The following ZNF362 variants were observed in gnomAD, a reference collection of about 807,000 sequenced individuals.
The protein encoded by ZNF362 is zinc finger protein 362.
Under a neutral mutation model 42.9 loss-of-function variants are expected in ZNF362, and 11 were observed. The ratio of observed to expected loss-of-function variants is 0.26; its 90% CI spans 0.16 to 0.42. The LOEUF (loss-of-function observed/expected upper bound fraction) is 0.42, where lower values mean the gene tolerates loss of function less well. Among genes scored for constraint, ZNF362 ranks in the 20% least tolerant of loss-of-function variants. ZNF362 has a pLI of 1.00. For missense variants in ZNF362, 362 were observed against 576.2 expected (o/e 0.63, Z 3.81); for synonymous variants, 255 against 257.3 (o/e 0.99, Z 0.09).
the ZNF362 span, among the ~76,000 whole-genome samples, chr1:33,183,584 G>T: frequency 6.6e-6 from 1 of 152,162 alleles, no homozygotes; most frequent in African/African-American, 2.4e-5. Context: ...GTCTTGTTTG[G>T]TCCAAGTCCA....
intron 1 of ZNF362, among the ~76,000 whole-genome samples, chr1:33,267,263 A>C (rs1486620291): frequency 6.6e-6 from 1 of 152,206 alleles, no homozygotes; most frequent in Non-Finnish European, 1.5e-5. Flanking sequence ...TCGCCCCATC[A>C]GCTGTGACAT....
At chr1:33,206,215 A>G in the ZNF362 span, among the ~76,000 whole-genome samples, 2 of 152,162 alleles carry the variant, frequency 1.3e-5, no homozygotes, top group African/African-American at 2.4e-5. Flanking sequence ...GAAAACTACA[A>G]TAAGATACTA....
At position 33,280,354 on chromosome 1, in the gene ZNF362, C is replaced by T. The variant is rs1302204449; in HGVS notation, c.580C>T (p.Arg194Cys). Residue 194 changes from arginine (R) to cysteine (C), a missense_variant, in exon 5 of 9, where the codon CGC (arginine) becomes TGC (cysteine). By Grantham distance (180) the Arg-to-Cys change is radical. This residue lies in a region of ZNF362 where 266 missense variants were observed against 365.4 expected (regional missense o/e 0.73). Coordinates refer to ENST00000539719, the MANE Select transcript of ZNF362 (RefSeq NM_152493.3). The surrounding 1 kb of genome is among the most constrained non-coding windows in gnomAD (Gnocchi z 5.6). ...TGGCCCCCCCAAGTCCGAACGCGGC[C>T]GCAAAAAGATCAAGGCGGAGAACCC... is the stretch of plus-strand genomic sequence containing the variant. ...LLGPPKSERG[R>C]KKIKAENPGG... is the part of the protein sequence containing the mutation. 5.6e-6 allele frequency: 9 copies of T among 1,613,882 alleles called. No homozygotes were observed. The highest frequency in any genetic ancestry group is 1.3e-5 in the African/African-American group (1 of 74,934).
chr1:33,261,991 C>T (rs1163193693), intron 1 of ZNF362, among the ~76,000 whole-genome samples: 1 of 152,172 alleles, frequency 6.6e-6, no homozygotes, highest in Non-Finnish European at 1.5e-5. Context: ...CAGGGTGTGC[C>T]TGGCACTTGG....
chr1:33,209,904 G>T, the ZNF362 span, among the ~76,000 whole-genome samples: 140 of 151,856 alleles, frequency 9.2e-4, no homozygotes, highest in Non-Finnish European at 1.8e-3. Flanking sequence ...TTTTTTGAAG[G>T]GTTTGTTTTG....
At chr1:33,220,233 C>T in the ZNF362 span, among the ~76,000 whole-genome samples, 2 of 152,168 alleles carry the variant, frequency 1.3e-5, no homozygotes, top group African/African-American at 4.8e-5. Context: ...CCTCAATCTC[C>T]AATCTGGTGC....
the ZNF362 span, among the ~76,000 whole-genome samples, chr1:33,229,851 A>C: frequency 1.3e-5 from 2 of 152,120 alleles, no homozygotes; most frequent in Non-Finnish European, 2.9e-5. Flanking sequence ...CTGTCCATCT[A>C]GGCTTTTGCC....
intron 2 of ZNF362, among the ~76,000 whole-genome samples, chr1:33,272,510 A>G (rs565281723): frequency 1.3e-5 from 2 of 152,294 alleles, no homozygotes; most frequent in African/African-American, 4.8e-5. Context: ...TTAGAATAAG[A>G]GAAACAAAAT....
chr1:33,289,441 C>T (rs535857017), intron 6 of ZNF362, among the ~76,000 whole-genome samples: 50 of 152,032 alleles, frequency 3.3e-4, no homozygotes, highest in African/African-American at 1.0e-3. Flanking sequence ...CGAGGCCTGG[C>T]GGAGAGAGGC....
chr1:33,298,028 G>T (rs1457355936), intron 8 of ZNF362, among the ~76,000 whole-genome samples: 1 of 152,216 alleles, frequency 6.6e-6, no homozygotes, highest in Admixed American at 6.5e-5. Flanking sequence ...GCTGGGTTCT[G>T]AGCATATTGA....
chr1:33,168,719 G>A, the ZNF362 span, among the ~76,000 whole-genome samples: 11 of 152,242 alleles, frequency 7.2e-5, no homozygotes, highest in African/African-American at 2.7e-4. Flanking sequence ...GTTTGCCTAA[G>A]AGAGTAGAAA....
the ZNF362 span, among the ~76,000 whole-genome samples, chr1:33,171,254 A>G: frequency 2.0e-5 from 3 of 152,228 alleles, no homozygotes; most frequent in East Asian, 1.9e-4. Context: ...GAGGAAGGAC[A>G]CTGGTAACGG....
chr1:33,246,774 C>G, the ZNF362 span, among the ~76,000 whole-genome samples: 1 of 152,244 alleles, frequency 6.6e-6, no homozygotes, highest in African/African-American at 2.4e-5. Context: ...AACTCTGTGA[C>G]TGGCCCCTTC....
chr1:33,179,061 C>G, the ZNF362 span, among the ~76,000 whole-genome samples: 1 of 152,230 alleles, frequency 6.6e-6, no homozygotes, highest in Non-Finnish European at 1.5e-5. Flanking sequence ...TTGGGCAAGT[C>G]ACATAACTTC....
the ZNF362 span, among the ~76,000 whole-genome samples, chr1:33,154,078 G>C: frequency 9.2e-5 from 14 of 152,338 alleles, no homozygotes; most frequent in East Asian, 7.7e-4. Context: ...ATTGTGTAGA[G>C]GGCTGCAGCC....
chr1:33,174,975 A>ACACATG, the ZNF362 span, among the ~76,000 whole-genome samples: 6 of 136,066 alleles, frequency 4.4e-5, no homozygotes, highest in African/African-American at 1.8e-4. Context: ...ATATACACAC[A>ACACATG]TATACATATA....
chr1:33,247,284 A>G, the ZNF362 span, among the ~76,000 whole-genome samples: 4 of 152,212 alleles, frequency 2.6e-5, no homozygotes, highest in Non-Finnish European at 4.4e-5. Context: ...TCAAGTATTG[A>G]CTTCATTTTA....
the ZNF362 span, among the ~76,000 whole-genome samples, chr1:33,128,975 G>T: frequency 6.6e-6 from 1 of 152,188 alleles, no homozygotes; most frequent in Non-Finnish European, 1.5e-5. Context: ...TGCCGGCCAG[G>T]ATTAGGACAG....
At chr1:33,128,141 G>C in the ZNF362 span, among the ~76,000 whole-genome samples, 1 of 148,680 alleles carries the variant, frequency 6.7e-6, no homozygotes, top group Non-Finnish European at 1.5e-5. Flanking sequence ...AAGGTGGAAG[G>C]ATTGTTTGAG....
Sources: allele counts gnomAD v4.1 joint callset (sites outside exome capture counted in the v4.1 genomes callset), GRCh38; gene constraint gnomAD v4.1.1; regional missense constraint gnomAD v4.1.1; non-coding constraint Gnocchi (gnomAD v3.1); transcripts MANE v1.5; gene names NCBI Gene and HGNC (gene_info 2026-07-23, HGNC 2026-07-21).